The following ZSCAN5C variants were observed in gnomAD, a reference collection of about 807,000 sequenced individuals.
ZSCAN5C encodes the protein zinc finger and SCAN domain-containing protein 5C.
In ZSCAN5C, 11 loss-of-function variants were observed where a neutral mutation model predicts 17.3. That is an observed-to-expected ratio of 0.64 (90% CI 0.40 to 1.06). The LOEUF (loss-of-function observed/expected upper bound fraction) is 1.06. ZSCAN5C is among the 50% of genes least tolerant of loss of function. The probability of loss-of-function intolerance (pLI) is 0.00; values close to 1 mark genes in which losing one functional copy is unlikely to be tolerated. For missense variants in ZSCAN5C, 698 were observed against 538.9 expected, an observed-to-expected ratio of 1.30 and a Z score of -2.92; for synonymous variants, 229 against 208.4, an observed-to-expected ratio of 1.10 and a Z score of -0.85.
Position 56,207,184 on chromosome 19 carries a change from C to G in ZSCAN5C, c.510C>G (p.Asn170Lys), listed in dbSNP as rs768483007. 2 of 778,566 alleles carry G rather than the reference C, an allele frequency of 2.6e-6. 1 individual carries two copies. The highest frequency in any genetic ancestry group is 4.8e-6 in the Non-Finnish European group (2 of 418,476). The allele number at this position is 778,566 out of a possible 1,614,324, so 48.2% of individuals were successfully genotyped here. The change falls in exon 3 of 5, where the codon AAC (asparagine) becomes AAG (lysine). Residue 170 changes from asparagine to lysine, a missense_variant. This residue lies in a region of ZSCAN5C where 554 missense variants were observed against 390.5 expected (regional missense o/e 1.42). Transcript: ENST00000534327. ...CCAGCCAGCGGACCTCCTCTGTGAACCAGATGTGTCCGGAGGAAGGCCAGG... is the reference window on the plus strand; with the variant it reads ...CCAGCCAGCGGACCTCCTCTGTGAAGCAGATGTGTCCGGAGGAAGGCCAGG...
intron 1 of ZSCAN5C, among the ~76,000 whole-genome samples, chr19:56,203,910 A>T (rs1217566243): frequency 6.6e-6 from 1 of 151,774 alleles, no homozygotes; most frequent in Non-Finnish European, 1.5e-5. Flanking sequence ...CAGCCGTCCA[A>T]CGTGCTGGGA....
intron 1 of ZSCAN5C, among the ~76,000 whole-genome samples, chr19:56,204,522 C>G (rs377660292): frequency 6.6e-6 from 1 of 151,672 alleles, no homozygotes; most frequent in Non-Finnish European, 1.5e-5. Flanking sequence ...CTGAGATGTC[C>G]ACACGGGCGC....
At position 56,208,118 on chromosome 19, in the gene ZSCAN5C, C is replaced by A. The variant is rs1321141914; in HGVS notation, c.673C>A (p.Leu225Met). 3 of 777,964 alleles carry A rather than the reference C, an allele frequency of 3.9e-6. No homozygotes were observed. The Admixed American group carries it at 5.1e-5, about 13-fold the overall frequency. The allele number at this position is 777,964 out of a possible 1,614,324, so 48.2% of individuals were successfully genotyped here. Residue 225 changes from leucine to methionine, a missense_variant, in exon 4 of 5, where the codon CTG (leucine) becomes ATG (methionine). Around this residue, in one of 3 missense-constraint regions of ZSCAN5C, gnomAD observed 554 missense variants for 390.5 expected, o/e 1.42. Coordinates refer to ENST00000534327, the Ensembl canonical transcript of ZSCAN5C. ...ACCCAAGCCGACCTTGGAGAAGGACCTGGAGGAAGACAGGGAGGAGAACCC... is the reference window on the plus strand; with the variant it reads ...ACCCAAGCCGACCTTGGAGAAGGACATGGAGGAAGACAGGGAGGAGAACCC...
chr19:56,207,314 G>A (rs1455016709), intron 3 of ZSCAN5C, 52 bp downstream of exon 3: 1 of 715,778 alleles, frequency 1.4e-6, no homozygotes, highest in African/African-American at 1.8e-5. Context: ...AGGAACGGGA[G>A]GAAATCGTGT....
exon 5 of ZSCAN5C, chr19:56,208,859 T>C: frequency 1.3e-6 from 2 of 1,573,312 alleles, no homozygotes; most frequent in Non-Finnish European, 1.7e-6. Flanking sequence ...CGAGAGACTC[T>C]TTCAGTGTAA....
chr19:56,204,358 C>T (rs963496818), intron 1 of ZSCAN5C, among the ~76,000 whole-genome samples: 5 of 151,236 alleles, frequency 3.3e-5, no homozygotes, highest in Admixed American at 1.3e-4. Context: ...CCCTTTCCCC[C>T]GAATCCTCAC....
chr19:56,202,464 A>T (rs2032882487), intron 1 of ZSCAN5C, 142 bp downstream of exon 1: 1 of 151,908 alleles, frequency 6.6e-6, no homozygotes, highest in Non-Finnish European at 1.5e-5. Context: ...TTATTTTTTC[A>T]TGCATTTGCC....
chr19:56,208,478 G>A (rs765294655), exon 5 of ZSCAN5C: 2 of 1,467,860 alleles, frequency 1.4e-6, no homozygotes, highest in Non-Finnish European at 1.9e-6. Context: ...GGAGGGGAAG[G>A]AACCCCAAAA....
chr19:56,205,792 T>C lies in ZSCAN5C; in HGVS notation c.-122T>C, dbSNP rs1307228674. On this transcript the variant is annotated 5_prime_UTR_variant, in exon 2 of 5. Coordinates refer to ENST00000534327, the Ensembl canonical transcript of ZSCAN5C. ...CATGCTTTTTTTCCCTGCAGACTTC[T>C]GAATGAACAGTGAATCTATTACTGA... The C allele has an allele frequency of 8.5e-6, 5 of 590,564 alleles. No homozygotes were observed. In the East Asian group the frequency reaches 1.1e-4, roughly 13 times the overall value. The allele number at this position is 590,564 out of a possible 1,614,324, so 36.6% of individuals were successfully genotyped here.
intron 2 of ZSCAN5C, among the ~76,000 whole-genome samples, chr19:56,206,693 G>A (rs900249994): frequency 4.9e-4 from 75 of 151,768 alleles, no homozygotes; most frequent in African/African-American, 1.8e-3. Context: ...AGGGAAGGAG[G>A]CATTAGAGTG....
intron 3 of ZSCAN5C, among the ~76,000 whole-genome samples, chr19:56,207,653 G>A (rs1448430701): frequency 6.6e-6 from 1 of 151,832 alleles, no homozygotes; most frequent in African/African-American, 2.4e-5. Context: ...CTCAACTGGG[G>A]TGATTCTGCC....
At chr19:56,207,309 C>T (rs745404541) in intron 3 of ZSCAN5C, 47 bp downstream of exon 3, 16 of 726,014 alleles carry the variant, frequency 2.2e-5, no homozygotes, top group African/African-American at 3.5e-5. Context: ...GGAGAAGGAA[C>T]GGGAGGAAAT....
intron 4 of ZSCAN5C, 33 bp from the exon 5 acceptor site, chr19:56,208,416 T>C (rs1292709962): frequency 1.6e-6 from 2 of 1,239,774 alleles, no homozygotes; most frequent in African/African-American, 3.0e-5. Flanking sequence ...AAATGCACCT[T>C]ATTAACTGTG....
Position 56,207,197 on chromosome 19 carries a change from GA to G in ZSCAN5C, c.524del (p.Glu175GlyfsTer34), listed in dbSNP as rs2032932280. ...CTCCTCTGTGAACCAGATGTGTCCG[GA>G]GGAAGGCCAGGCCAGCCAAGAGCTG... On this transcript the variant is annotated frameshift_variant, in exon 3 of 5. Transcript: ENST00000534327. LOFTEE classifies it high-confidence loss of function. 1 of 778,408 alleles carries G rather than the reference GA, an allele frequency of 1.3e-6. No individual in the cohort carries two copies. Among genetic ancestry groups the G allele is most frequent in the Non-Finnish European group, 2.4e-6 (1 of 418,226 alleles). The allele number at this position is 778,408 out of a possible 1,614,324, so 48.2% of individuals were successfully genotyped here. A position where few individuals can be genotyped will look rare whatever the true frequency, so the allele number is the denominator to read the frequency against.
At position 56,208,191 on chromosome 19, in the gene ZSCAN5C, A is replaced by G; in HGVS notation, c.739+7A>G. The G allele has an allele frequency of 1.3e-6, 1 of 777,352 alleles. No homozygotes were observed. The highest frequency in any genetic ancestry group is 1.3e-5 in the South Asian group (1 of 74,130). The allele number at this position is 777,352 out of a possible 1,614,324, so 48.2% of individuals were successfully genotyped here. On this transcript the variant is annotated splice_region_variant and intron_variant, in intron 4 of 4. Coordinates refer to ENST00000534327, the Ensembl canonical transcript of ZSCAN5C. ...CAGCTTCCAAACAGTCCCAGTAAGT[A>G]TGAAGACTTACACCTGTGTGGAGAT...
intron 1 of ZSCAN5C, among the ~76,000 whole-genome samples, chr19:56,204,811 C>T (rs2032904327): frequency 6.6e-6 from 1 of 151,896 alleles, no homozygotes; most frequent in South Asian, 2.1e-4. Flanking sequence ...AGGTTGCTTC[C>T]CCCACCTGTG....
intron 1 of ZSCAN5C, among the ~76,000 whole-genome samples, chr19:56,202,808 G>A (rs1298831563): frequency 6.6e-6 from 1 of 151,934 alleles, no homozygotes; most frequent in Non-Finnish European, 1.5e-5. Flanking sequence ...TCCCATCTTG[G>A]TCTTCCAAAC....
intron 1 of ZSCAN5C, among the ~76,000 whole-genome samples, chr19:56,203,345 C>T (rs1041828327): frequency 5.9e-5 from 9 of 151,950 alleles, no homozygotes; most frequent in Middle Eastern, 3.4e-3. Context: ...TGGTGTACAG[C>T]ATAATGTGCT....
intron 3 of ZSCAN5C, 117 bp downstream of exon 3, chr19:56,207,379 A>G (rs1193920066): frequency 3.3e-6 from 2 of 598,934 alleles, no homozygotes; most frequent in Non-Finnish European, 3.0e-6. Context: ...GCCATTCCCC[A>G]TGGACATGGT....
Sources: allele counts gnomAD v4.1 joint callset (sites outside exome capture counted in the v4.1 genomes callset), GRCh38; gene constraint gnomAD v4.1.1; regional missense constraint gnomAD v4.1.1; transcripts MANE v1.5; gene names NCBI Gene and HGNC (gene_info 2026-07-23, HGNC 2026-07-21).